TTC28: variants seen among roughly 807,000 people sequenced by gnomAD.
TTC28 encodes tetratricopeptide repeat protein 28.
TTC28 carries 61 observed loss-of-function variants against 198.0 expected under a neutral mutation model. The ratio of observed to expected loss-of-function variants is 0.31; its 90% confidence interval spans 0.25 to 0.38. TTC28 has a LOEUF of 0.38. Among genes scored for constraint, TTC28 ranks in the 10% least tolerant of loss-of-function variants. TTC28 has a pLI of 1.00. For missense variants in TTC28, 2,678 were observed against 3,164.0 expected, an observed-to-expected ratio of 0.85 and a Z score of 3.69; for synonymous variants, 1,171 against 1,297.8, an observed-to-expected ratio of 0.90 and a Z score of 2.10.
chr22:28,040,339 T>G (rs987958195), intron 12 of TTC28, among the ~76,000 whole-genome samples: 1 of 152,152 alleles, frequency 6.6e-6, no homozygotes, highest in Non-Finnish European at 1.5e-5. Context: ...AAATCCTCAA[T>G]AAAATACTGG....
chr22:28,499,813 G>A (rs916908842), intron 2 of TTC28, among the ~76,000 whole-genome samples: 1 of 151,886 alleles, frequency 6.6e-6, no homozygotes, highest in African/African-American at 2.4e-5. Flanking sequence ...TTTTAAAATT[G>A]GCATATAAAA....
intron 4 of TTC28, 115 bp from the exon 5 acceptor site, chr22:28,296,443 C>G: frequency 2.1e-6 from 2 of 944,192 alleles, no homozygotes; most frequent in Non-Finnish European, 2.9e-6. Context: ...TAAGATTTCA[C>G]TTATCTTCTA....
intron 2 of TTC28, among the ~76,000 whole-genome samples, chr22:28,576,912 A>T (rs995714059): frequency 8.0e-5 from 12 of 150,500 alleles, no homozygotes; most frequent in Admixed American, 6.6e-4. Context: ...TTTTATCTTT[A>T]AAAAAAACTT....
intron 2 of TTC28, among the ~76,000 whole-genome samples, chr22:28,594,625 AATAGTATAAT>A (rs1209771754): frequency 1.3e-5 from 2 of 150,142 alleles, no homozygotes; most frequent in Admixed American, 6.6e-5. Flanking sequence ...ACAGGACAGT[AATAGTATAAT>A]ATAGTATAAA....
chr22:28,679,521 T>TCCG, intron 1 of TTC28, 101 bp downstream of exon 1: 1 of 770,868 alleles, frequency 1.3e-6, no homozygotes, highest in Non-Finnish European at 1.9e-6. Context: ...CGAGACGCCT[T>TCCG]CCGCCTCGCA....
At chr22:28,572,890 T>A (rs940649394) in intron 2 of TTC28, among the ~76,000 whole-genome samples, 4 of 152,140 alleles carry the variant, frequency 2.6e-5, no homozygotes, top group African/African-American at 9.7e-5. Flanking sequence ...GGCTTACACC[T>A]GTAATCCCAA....
chr22:28,616,136 C>A (rs991877084), intron 2 of TTC28, among the ~76,000 whole-genome samples: 12 of 152,148 alleles, frequency 7.9e-5, no homozygotes, highest in African/African-American at 2.9e-4. Flanking sequence ...CAATGGACTC[C>A]TTTGTCCAGG....
intron 2 of TTC28, among the ~76,000 whole-genome samples, chr22:28,404,421 T>C (rs1420158297): frequency 6.6e-6 from 1 of 152,158 alleles, no homozygotes; most frequent in Non-Finnish European, 1.5e-5. Context: ...CCGGCCTATA[T>C]GTGTTATTTT....
chr22:28,158,788 A>G (rs948745500), intron 6 of TTC28, among the ~76,000 whole-genome samples: 7 of 152,374 alleles, frequency 4.6e-5, no homozygotes, highest in Admixed American at 1.3e-4. Context: ...CTTTAAATCT[A>G]TGACTTCAAA....
In TTC28 at chr22:28,014,978, G is replaced by A. The variant is rs561991913; in HGVS notation, c.4074-586C>T. Reference sequence around the variant, plus strand: ...AGAGTGGGTCGGTTTGAGTATGGCTGTATAGTTTTGTTTCGCTTTTAAATT... The same window carrying A: ...AGAGTGGGTCGGTTTGAGTATGGCTATATAGTTTTGTTTCGCTTTTAAATT... On this transcript the variant is annotated intron_variant, in intron 13 of 22. Coordinates refer to ENST00000397906, the MANE Select transcript of TTC28 (RefSeq NM_001145418.2). Among the ~76,000 whole-genome samples the A allele has an allele frequency of 3.7e-4, 56 of 152,354 alleles. 1 individual carries two copies. The South Asian group carries it at 6.6e-3, about 18-fold the overall frequency.
intron 2 of TTC28, among the ~76,000 whole-genome samples, chr22:28,498,335 T>C (rs1407332080): frequency 6.6e-6 from 1 of 152,228 alleles, no homozygotes; most frequent in Non-Finnish European, 1.5e-5. Context: ...TTGTTTGTTT[T>C]CTTTGTCCTT....
Position 27,998,802 on chromosome 22 carries a change from C to T in TTC28, c.4857G>A (p.Lys1619=), listed in dbSNP as rs1286067212. The T allele has an allele frequency of 1.9e-6, 3 of 1,550,716 alleles. No individual in the cohort carries two copies. Among genetic ancestry groups the T allele is most frequent in the Non-Finnish European group, 2.6e-6 (3 of 1,147,008 alleles). The change falls in exon 16 of 23, where the codon AAG becomes AAA. Residue 1619 remains lysine, a synonymous_variant. Coordinates refer to ENST00000397906, the MANE Select transcript of TTC28 (RefSeq NM_001145418.2). The part of the protein sequence containing the change: ...ADVLDLQLPV[K]LVVLGSSQES... ...CCTGGGAGGAGCCAAGCACCACCAG[C>T]TTCACAGGCAGCTGCAGGTCCAGGA...
At chr22:28,545,892 TCAATTC>T (rs1315287075) in intron 2 of TTC28, among the ~76,000 whole-genome samples, 2 of 152,212 alleles carry the variant, frequency 1.3e-5, no homozygotes, top group Non-Finnish European at 2.9e-5. Context: ...TGTTAAGATG[TCAATTC>T]TACACAAATT....
At chr22:28,326,162 A>G (rs1398992369) in intron 2 of TTC28, among the ~76,000 whole-genome samples, 1 of 152,162 alleles carries the variant, frequency 6.6e-6, no homozygotes, top group Non-Finnish European at 1.5e-5. Flanking sequence ...AAAAAGAAAC[A>G]AAACTATTGA....
intron 2 of TTC28, among the ~76,000 whole-genome samples, chr22:28,615,040 T>C (rs1451345093): frequency 6.6e-6 from 1 of 152,106 alleles, no homozygotes; most frequent in Non-Finnish European, 1.5e-5. Flanking sequence ...TTTTGCAATC[T>C]ATCCATCTGA....
At chr22:28,288,021 T>C (rs2044716504) in intron 5 of TTC28, among the ~76,000 whole-genome samples, 1 of 152,162 alleles carries the variant, frequency 6.6e-6, no homozygotes, top group Non-Finnish European at 1.5e-5. Context: ...AAACAAACAC[T>C]GATATAATGT....
chr22:28,507,455 G>A (rs1035234694), intron 2 of TTC28, among the ~76,000 whole-genome samples: 1 of 152,128 alleles, frequency 6.6e-6, no homozygotes, highest in African/African-American at 2.4e-5. Context: ...AAAGAGACAG[G>A]GAGAATGGAA....
chr22:28,087,395 A>T (rs1051612006), intron 12 of TTC28, among the ~76,000 whole-genome samples: 2 of 152,186 alleles, frequency 1.3e-5, no homozygotes, highest in African/African-American at 4.8e-5. Flanking sequence ...ATATAAACAG[A>T]ACCAAAGACA....
intron 2 of TTC28, among the ~76,000 whole-genome samples, chr22:28,332,218 T>C (rs977583241): frequency 3.3e-5 from 5 of 152,082 alleles, no homozygotes; most frequent in African/African-American, 7.2e-5. Context: ...ATACATTAAT[T>C]TTTTAATAAG....
Sources: allele counts gnomAD v4.1 joint callset (sites outside exome capture counted in the v4.1 genomes callset), GRCh38; gene constraint gnomAD v4.1.1; transcripts MANE v1.5; gene names NCBI Gene and HGNC (gene_info 2026-07-23, HGNC 2026-07-21).